Variants in ACOT7 observed in about 807,000 individuals in gnomAD.
ACOT7 encodes the protein cytosolic acyl coenzyme A thioester hydrolase.
ACOT7 carries 12 observed loss-of-function variants against 40.2 expected under a neutral mutation model. The observed-to-expected ratio is 0.30, with a 90% confidence interval of 0.19 to 0.48. ACOT7 has a LOEUF of 0.48. Ranked by LOEUF, ACOT7 falls within the 20% of genes least tolerant of loss-of-function variation. The pLI, the probability that ACOT7 is intolerant of heterozygous loss-of-function variation, is 0.99. For missense variants in ACOT7, 395 were observed against 530.8 expected (o/e 0.74, Z 2.51); for synonymous variants, 228 against 219.5 (o/e 1.04, Z -0.34).
chr1:6,339,873 A>C (rs6681084), intron 2 of ACOT7, among the ~76,000 whole-genome samples: 1 of 139,550 alleles, frequency 7.2e-6, no homozygotes. Context: ...CCGAGTAGCT[A>C]GGACTACAGG....
chr1:6,326,231 G>T (rs1640794696), intron 5 of ACOT7, among the ~76,000 whole-genome samples: 1 of 152,206 alleles, frequency 6.6e-6, no homozygotes, highest in South Asian at 2.1e-4. Flanking sequence ...CACCATGTGT[G>T]CAGTAGGGAG....
At chr1:6,269,849 G>A (rs577523214) in intron 8 of ACOT7, among the ~76,000 whole-genome samples, 12 of 152,366 alleles carry the variant, frequency 7.9e-5, no homozygotes, top group Middle Eastern at 6.8e-3. Context: ...GAGCCTCAAC[G>A]TCACTGCGTG....
At chr1:6,379,694 TCAAG>T (rs1642299864) in intron 1 of ACOT7, among the ~76,000 whole-genome samples, 1 of 151,566 alleles carries the variant, frequency 6.6e-6, no homozygotes, top group Non-Finnish European at 1.5e-5. Context: ...ACTCCTGAGC[TCAAG>T]CAGTCTTCCC....
chr1:6,303,102 T>C (rs1640016784), intron 6 of ACOT7, among the ~76,000 whole-genome samples: 1 of 152,132 alleles, frequency 6.6e-6, no homozygotes, highest in African/African-American at 2.4e-5. Context: ...AAATATCGAG[T>C]GCCTAAGTTT....
At chr1:6,384,460 G>A (rs971663387) in intron 1 of ACOT7, among the ~76,000 whole-genome samples, 1 of 151,846 alleles carries the variant, frequency 6.6e-6, no homozygotes, top group Admixed American at 6.6e-5. Flanking sequence ...AATTCCTCAA[G>A]AGAATAACCA....
At chr1:6,372,968 C>A (rs1188922539) in intron 1 of ACOT7, among the ~76,000 whole-genome samples, 1 of 151,948 alleles carries the variant, frequency 6.6e-6, no homozygotes, top group African/African-American at 2.4e-5. Flanking sequence ...AGGGAGCTCA[C>A]GAAAAGGGAG....
At chr1:6,339,744 T>TC (rs1422548091) in intron 2 of ACOT7, among the ~76,000 whole-genome samples, 155 bp from the exon 3 acceptor site, 4 of 150,292 alleles carry the variant, frequency 2.7e-5, no homozygotes, top group African/African-American at 9.8e-5. Context: ...CCGCGGTTTT[T>TC]TTTTTTTTTT....
rs1038264216 is a variant in ACOT7 at position 6,275,471 on chromosome 1, G to A, written c.1014+5631C>T. Among the ~76,000 whole-genome samples, 19 of 152,110 alleles carry A rather than the reference G, an allele frequency of 1.2e-4. No individual in the cohort carries two copies. Among genetic ancestry groups the A allele is most frequent in the Non-Finnish European group, 2.4e-4 (16 of 68,020 alleles). ...AGCTAGGCCAGGCGCGGTAGCTCACGCCTGTAATCCTAGCACTTTGGGAGG... is the reference window on the plus strand; with the variant it reads ...AGCTAGGCCAGGCGCGGTAGCTCACACCTGTAATCCTAGCACTTTGGGAGG... On this transcript the variant is annotated intron_variant, in intron 8 of 8. Coordinates refer to ENST00000361521, the MANE Select transcript of ACOT7 (RefSeq NM_007274.4). The surrounding 1 kb of genome is among the most constrained non-coding windows in gnomAD (Gnocchi z 5.6).
chr1:6,319,938 T>C (rs975630825), intron 5 of ACOT7, among the ~76,000 whole-genome samples: 1 of 152,146 alleles, frequency 6.6e-6, no homozygotes, highest in African/African-American at 2.4e-5. Flanking sequence ...CGCCTCCCAC[T>C]TGATGTCTCT....
intron 1 of ACOT7, among the ~76,000 whole-genome samples, chr1:6,354,296 T>G (rs1388530653): frequency 6.6e-6 from 1 of 151,988 alleles, no homozygotes; most frequent in African/African-American, 2.4e-5. Flanking sequence ...CCAGAGGAAG[T>G]GACACCTTGG....
intron 3 of ACOT7, among the ~76,000 whole-genome samples, chr1:6,337,321 C>A (rs372132941): frequency 2.6e-5 from 4 of 152,216 alleles, no homozygotes; most frequent in East Asian, 1.9e-4. Flanking sequence ...TGGCTCTGCA[C>A]AGGAGCCTCT....
chr1:6,357,742 C>T (rs1437413697), intron 1 of ACOT7, among the ~76,000 whole-genome samples: 1 of 152,122 alleles, frequency 6.6e-6, no homozygotes, highest in African/African-American at 2.4e-5. Flanking sequence ...CACCAGGCAG[C>T]CTTGAGGGAC....
chr1:6,380,013 C>T (rs1196713507), intron 1 of ACOT7, among the ~76,000 whole-genome samples: 1 of 151,756 alleles, frequency 6.6e-6, no homozygotes, highest in African/African-American at 2.4e-5. Context: ...TTGCAGTGAA[C>T]TGAGATCATG....
chr1:6,366,140 C>T (rs1305882873), intron 1 of ACOT7, among the ~76,000 whole-genome samples: 2 of 151,990 alleles, frequency 1.3e-5, no homozygotes, highest in African/African-American at 2.4e-5. Context: ...AGGTGATCCG[C>T]CCACCTCAGC....
At position 6,278,070 on chromosome 1, in the gene ACOT7, C is replaced by T. The variant is rs1249936616; in HGVS notation, c.1014+3032G>A. 1.4e-5 allele frequency among the ~76,000 whole-genome samples: 2 copies of T among 138,370 alleles called. No individual in the cohort carries two copies. The highest frequency in any genetic ancestry group is 3.1e-5 in the Non-Finnish European group (2 of 64,342). 90.8% of individuals were successfully genotyped at this position (138,370 alleles called of 152,430 possible). ...TATGTGAGCCTGACAGTCCACGCAGCGTCTGCAGTGGCGGGGGGTGGTTGG... is the reference window on the plus strand; with the variant it reads ...TATGTGAGCCTGACAGTCCACGCAGTGTCTGCAGTGGCGGGGGGTGGTTGG... On this transcript the variant is annotated intron_variant, in intron 8 of 8. Coordinates refer to ENST00000361521, the MANE Select transcript of ACOT7 (RefSeq NM_007274.4). The surrounding 1 kb of genome is among the most constrained non-coding windows in gnomAD (Gnocchi z 4.1).
chr1:6,389,026 G>C lies in ACOT7; in HGVS notation c.143+4231C>G, dbSNP rs145348040. ...ACTGCACTCCAGCCTGGGCAACAGA[G>C]TGAGACTCCGTCTCAAGAAAAAAAA... On this transcript the variant is annotated intron_variant, in intron 1 of 8. Transcript: ENST00000361521. 3.3e-3 allele frequency among the ~76,000 whole-genome samples: 497 copies of C among 150,650 alleles called. 2 individuals are homozygous for C. The highest frequency in any genetic ancestry group is 0.012 in the African/African-American group (472 of 40,928).
chr1:6,332,079 G>A (rs1001451808), intron 4 of ACOT7, among the ~76,000 whole-genome samples: 3 of 152,238 alleles, frequency 2.0e-5, no homozygotes, highest in East Asian at 1.9e-4. Context: ...TGCCGGCAGC[G>A]GCAAGAGCAC....
At chr1:6,307,257 G>A (rs181577414) in intron 6 of ACOT7, among the ~76,000 whole-genome samples, 234 of 152,326 alleles carry the variant, frequency 1.5e-3, no homozygotes, top group Non-Finnish European at 2.6e-3. Flanking sequence ...CACGTGCAGC[G>A]CACGTGCAGC....
At position 6,311,566 on chromosome 1, in the gene ACOT7, G is replaced by T. The variant is rs1350134469; in HGVS notation, c.712+6926C>A. ...CAACTCCCTCCGTCCCCAGCTATTG[G>T]GGTCTCTTGTGGTATAATTCAGGGA... On this transcript the variant is annotated intron_variant, in intron 6 of 8. Coordinates refer to ENST00000361521, the MANE Select transcript of ACOT7 (RefSeq NM_007274.4). This position sits in a 1 kb window ranked among gnomAD's most constrained non-coding sequence, Gnocchi z 5.2. 1.3e-5 allele frequency among the ~76,000 whole-genome samples: 2 copies of T among 152,170 alleles called. No individual in the cohort carries two copies. The highest frequency in any genetic ancestry group is 2.9e-5 in the Non-Finnish European group (2 of 68,030).
Sources: gnomAD v4.1 joint callset for allele counts (sites outside exome capture counted in the v4.1 genomes callset) on GRCh38, gnomAD v4.1.1 for gene constraint, Gnocchi (gnomAD v3.1) non-coding constraint, MANE v1.5 for transcripts, NCBI Gene and HGNC (gene_info 2026-07-23, HGNC 2026-07-21) for gene names.